The following CNTNAP2 variants were observed in gnomAD, a reference collection of about 807,000 sequenced individuals.
CNTNAP2 encodes contactin-associated protein-like 2.
In CNTNAP2, 98 loss-of-function variants were observed where a neutral mutation model predicts 155.2. That is an observed-to-expected ratio of 0.63 (90% confidence interval 0.54 to 0.75). CNTNAP2 has a LOEUF of 0.75. Among genes scored for constraint, CNTNAP2 ranks in the 30% least tolerant of loss-of-function variants. The probability of loss-of-function intolerance (pLI) is 0.00; values close to 1 mark genes in which losing one functional copy is unlikely to be tolerated. For synonymous variants in CNTNAP2, 651 were observed against 631.2 expected (o/e 1.03, Z -0.47); for missense variants, 1,727 against 1,688.1 (o/e 1.02, Z -0.40).
intron 3 of CNTNAP2, among the ~76,000 whole-genome samples, chr7:146,911,347 A>C (rs1279813084): frequency 2.0e-5 from 3 of 152,144 alleles, no homozygotes; most frequent in African/African-American, 7.2e-5. Context: ...CTATAAAGAC[A>C]CATGCACACG....
At position 146,451,857 on chromosome 7, in the gene CNTNAP2, A is replaced by ATATACATATATATACATACGTG. The variant is rs1554435318; in HGVS notation, c.98-322410_98-322409insCATATATATACATACGTGTATA. On this transcript the variant is annotated intron_variant, in intron 1 of 23. Coordinates refer to ENST00000361727, the MANE Select transcript of CNTNAP2 (RefSeq NM_014141.6). ...ATACATATATATATACACGTATTCTATATATATATATACGTATATATACAC... is the reference window on the plus strand; with the variant it reads ...ATACATATATATATACACGTATTCTATATACATATATATACATACGTGTATATATATATACGTATATATACAC... 1.5e-4 allele frequency among the ~76,000 whole-genome samples: 19 copies of ATATACATATATATACATACGTG among 128,614 alleles called. 1 individual carries two copies. Among genetic ancestry groups the ATATACATATATATACATACGTG allele is most frequent in the African/African-American group, 5.9e-4 (18 of 30,766 alleles). The allele number at this position is 128,614 out of a possible 152,430, so 84.4% of individuals were successfully genotyped here. A position where few individuals can be genotyped will look rare whatever the true frequency, so the allele number is the denominator to read the frequency against.
intron 1 of CNTNAP2, among the ~76,000 whole-genome samples, chr7:146,192,168 C>A (rs529174304): frequency 3.2e-4 from 49 of 152,290 alleles, no homozygotes; most frequent in African/African-American, 1.1e-3. Context: ...CCGGTCCCTC[C>A]GTTCGGGGTC....
At position 147,712,559 on chromosome 7, in the gene CNTNAP2, C is replaced by T. The variant is rs111473575; in HGVS notation, c.2098+73253C>T. 7.9e-5 allele frequency among the ~76,000 whole-genome samples: 12 copies of T among 152,278 alleles called. No individual in the cohort carries two copies. In the South Asian group the frequency reaches 1.2e-3, roughly 16 times the overall value. ...GGCACATATACACCGTGGAATACCACGCAGCCATAAAAAGGATGAGTTCAT... is the reference window on the plus strand; with the variant it reads ...GGCACATATACACCGTGGAATACCATGCAGCCATAAAAAGGATGAGTTCAT... On this transcript the variant is annotated intron_variant, in intron 13 of 23. Coordinates refer to ENST00000361727, the MANE Select transcript of CNTNAP2 (RefSeq NM_014141.6).
chr7:148,032,414 G>A (rs1266020087), intron 15 of CNTNAP2, among the ~76,000 whole-genome samples: 3 of 152,226 alleles, frequency 2.0e-5, no homozygotes, highest in African/African-American at 7.2e-5. Flanking sequence ...TGAGTACAAG[G>A]GCAAGAGACA....
chr7:147,127,604 A>G (rs1369643093), intron 6 of CNTNAP2, among the ~76,000 whole-genome samples: 3 of 152,174 alleles, frequency 2.0e-5, no homozygotes, highest in African/African-American at 7.2e-5. Flanking sequence ...CTGGAAAAGC[A>G]CCACAGGCTC....
intron 1 of CNTNAP2, among the ~76,000 whole-genome samples, chr7:146,741,064 G>T (rs1316152490): frequency 6.6e-6 from 1 of 152,084 alleles, no homozygotes; most frequent in Non-Finnish European, 1.5e-5. Context: ...GAAAAATCCT[G>T]TGCTCACATC....
At chr7:146,896,506 C>G (rs901938172) in intron 3 of CNTNAP2, among the ~76,000 whole-genome samples, 4 of 152,024 alleles carry the variant, frequency 2.6e-5, no homozygotes, top group African/African-American at 9.7e-5. Context: ...TTCTCAGTCA[C>G]TATACTCTGA....
intron 22 of CNTNAP2, among the ~76,000 whole-genome samples, chr7:148,398,539 A>G (rs894749633): frequency 6.6e-6 from 1 of 152,248 alleles, no homozygotes; most frequent in Non-Finnish European, 1.5e-5. Flanking sequence ...ATCCACAGCC[A>G]AAGTATGGCC....
intron 8 of CNTNAP2, among the ~76,000 whole-genome samples, chr7:147,202,725 C>T (rs1426813722): frequency 6.6e-6 from 1 of 152,002 alleles, no homozygotes; most frequent in Non-Finnish European, 1.5e-5. Flanking sequence ...CATGTTCTCA[C>T]TCATAGGTGG....
intron 13 of CNTNAP2, among the ~76,000 whole-genome samples, chr7:147,727,710 T>G (rs186043507): frequency 6.7e-6 from 1 of 150,270 alleles, no homozygotes; most frequent in East Asian, 2.0e-4. Flanking sequence ...AGCAGCATCA[T>G]AGCTAGGACT....
chr7:146,269,231 T>C (rs1273803447), intron 1 of CNTNAP2, among the ~76,000 whole-genome samples: 1 of 152,104 alleles, frequency 6.6e-6, no homozygotes, highest in Non-Finnish European at 1.5e-5. Flanking sequence ...TCCCAGGCAC[T>C]TGGGAGGCTG....
chr7:146,151,635 GATATATATATATAT>G (rs1226681385), intron 1 of CNTNAP2, among the ~76,000 whole-genome samples: 16 of 36,406 alleles, frequency 4.4e-4, no homozygotes, highest in Admixed American at 2.1e-3. Context: ...AAGAAAACGT[GATATATATATATAT>G]ATATATATAT....
intron 15 of CNTNAP2, among the ~76,000 whole-genome samples, chr7:148,067,212 C>T (rs1244074602): frequency 6.6e-6 from 1 of 152,128 alleles, no homozygotes; most frequent in Non-Finnish European, 1.5e-5. Flanking sequence ...TTTCTGGTTC[C>T]TTCTCATTTG....
At chr7:147,129,551 T>C (rs931712337) in intron 7 of CNTNAP2, among the ~76,000 whole-genome samples, 13 of 152,182 alleles carry the variant, frequency 8.5e-5, no homozygotes, top group African/African-American at 3.1e-4. Context: ...GAGAGTTCCC[T>C]ATGGCTCTGC....
chr7:147,864,678 T>C (rs1799197156), intron 13 of CNTNAP2, among the ~76,000 whole-genome samples: 1 of 152,110 alleles, frequency 6.6e-6, no homozygotes. Flanking sequence ...GTATTTTATT[T>C]TCTTTGAAGC....
chr7:148,109,906 C>T (rs949023905), intron 15 of CNTNAP2, among the ~76,000 whole-genome samples: 1 of 152,164 alleles, frequency 6.6e-6, no homozygotes, highest in Admixed American at 6.5e-5. Flanking sequence ...GGTTCAGATG[C>T]TGGACTAATG....
chr7:146,594,742 A>G (rs1004194877), intron 1 of CNTNAP2, among the ~76,000 whole-genome samples: 4 of 152,068 alleles, frequency 2.6e-5, no homozygotes, highest in African/African-American at 9.7e-5. Context: ...CATCTCACCT[A>G]CTCATAATAA....
At chr7:147,457,303 T>TC (rs1482706608) in intron 10 of CNTNAP2, among the ~76,000 whole-genome samples, 9 of 152,180 alleles carry the variant, frequency 5.9e-5, no homozygotes, top group Non-Finnish European at 1.5e-5. Flanking sequence ...TCACCAGACA[T>TC]CAAGAATGTC....
intron 13 of CNTNAP2, among the ~76,000 whole-genome samples, chr7:147,862,367 C>G (rs939950105): frequency 1.3e-5 from 2 of 149,844 alleles, no homozygotes; most frequent in Non-Finnish European, 1.5e-5. Flanking sequence ...GTGTCGTATC[C>G]AAGACCATCC....
Sources: allele counts gnomAD v4.1 joint callset (sites outside exome capture counted in the v4.1 genomes callset), GRCh38; gene constraint gnomAD v4.1.1; transcripts MANE v1.5; gene names NCBI Gene and HGNC (gene_info 2026-07-23, HGNC 2026-07-21).